CCBE1: variants seen among roughly 807,000 people sequenced by gnomAD.
CCBE1 encodes the protein collagen and calcium binding EGF domains 1.
CCBE1 carries 37 observed loss-of-function variants against 50.0 expected under a neutral mutation model. That is an observed-to-expected ratio of 0.74 (90% CI 0.57 to 0.97). The LOEUF is 0.97. Among genes scored for constraint, CCBE1 ranks in the 50% least tolerant of loss-of-function variants. CCBE1 has a pLI of 0.00. For missense variants in CCBE1, 538 were observed against 523.8 expected (o/e 1.03, Z -0.26); for synonymous variants, 234 against 203.7 (o/e 1.15, Z -1.27).
At chr18:59,536,324 G>C (rs1353272889) in intron 2 of CCBE1, among the ~76,000 whole-genome samples, 1 of 152,138 alleles carries the variant, frequency 6.6e-6, no homozygotes, top group African/African-American at 2.4e-5. Flanking sequence ...CAGGCCATCT[G>C]CATATCATTT....
At chr18:59,474,124 T>C (rs909726971) in intron 3 of CCBE1, among the ~76,000 whole-genome samples, 2 of 152,214 alleles carry the variant, frequency 1.3e-5, no homozygotes, top group Non-Finnish European at 2.9e-5. Flanking sequence ...ACATTTTCTT[T>C]ATCCAATCCA....
At position 59,532,016 on chromosome 18, in the gene CCBE1, TG is replaced by T. The variant is rs1915072307; in HGVS notation, c.213-51779del. Among the ~76,000 whole-genome samples, 4 of 152,330 alleles carry T rather than the reference TG, an allele frequency of 2.6e-5. No individual in the cohort carries two copies. In the South Asian group the frequency reaches 8.3e-4, roughly 32 times the overall value. Reference sequence around the variant, plus strand: ...ATTTCCCTATCATTTCCATGTCCACTGGACACCAAATAAACATACTCATGAC... The same window carrying T: ...ATTTCCCTATCATTTCCATGTCCACTGACACCAAATAAACATACTCATGAC... On this transcript the variant is annotated intron_variant, in intron 2 of 10. Coordinates refer to ENST00000439986, the MANE Select transcript of CCBE1 (RefSeq NM_133459.4).
intron 2 of CCBE1, among the ~76,000 whole-genome samples, chr18:59,484,395 A>G (rs750332768): frequency 1.6e-4 from 25 of 152,248 alleles, no homozygotes; most frequent in Non-Finnish European, 3.7e-4. Flanking sequence ...TGCATTTAAG[A>G]TACAACCTCT....
Position 59,661,293 on chromosome 18 carries a change from T to C in CCBE1, c.212+35336A>G, listed in dbSNP as rs567593873. ...TAACTCACTGAAGAAGCTGGGACAC[T>C]GTTCACATGCATTTGGTCTGGGGGT... On this transcript the variant is annotated intron_variant, in intron 2 of 10. Coordinates refer to ENST00000439986, the MANE Select transcript of CCBE1 (RefSeq NM_133459.4). Among the ~76,000 whole-genome samples the C allele has an allele frequency of 1.1e-4, 16 of 152,356 alleles. No individual in the cohort carries two copies. In the South Asian group the frequency reaches 3.1e-3, roughly 30 times the overall value.
intron 2 of CCBE1, among the ~76,000 whole-genome samples, chr18:59,680,268 G>GC (rs1412487454): frequency 2.6e-5 from 4 of 151,594 alleles, no homozygotes; most frequent in Admixed American, 6.6e-5. Context: ...GATCAGATAC[G>GC]CACTTATCTC....
chr18:59,594,480 T>C lies in CCBE1; in HGVS notation c.212+102149A>G, dbSNP rs1023788288. On this transcript the variant is annotated intron_variant, in intron 2 of 10. Coordinates refer to ENST00000439986, the MANE Select transcript of CCBE1 (RefSeq NM_133459.4). ...TGTACTGGAGATGGATGATGATTGA[T>C]GGTTGCACGCGTACTTAATGCCAGT... is the stretch of plus-strand genomic sequence containing the variant. Among the ~76,000 whole-genome samples the C allele has an allele frequency of 5.3e-5, 8 of 152,316 alleles. No individual in the cohort carries two copies. The South Asian group carries it at 1.7e-3, about 32-fold the overall frequency.
chr18:59,554,694 G>A (rs991331923), intron 2 of CCBE1, among the ~76,000 whole-genome samples: 2 of 152,314 alleles, frequency 1.3e-5, no homozygotes, highest in South Asian at 4.1e-4. Context: ...ATGTTCATGG[G>A]CTACTTGACT....
intron 2 of CCBE1, among the ~76,000 whole-genome samples, chr18:59,674,292 A>C (rs1233427198): frequency 2.0e-5 from 3 of 152,202 alleles, no homozygotes; most frequent in Admixed American, 2.0e-4. Flanking sequence ...AATACTGTAC[A>C]CCTATAAAAA....
At chr18:59,674,441 G>A (rs1189398486) in intron 2 of CCBE1, among the ~76,000 whole-genome samples, 1 of 152,150 alleles carries the variant, frequency 6.6e-6, no homozygotes, top group African/African-American at 2.4e-5. Flanking sequence ...GATACAGGGA[G>A]GGAAACATCA....
At chr18:59,690,276 T>G (rs1033665781) in intron 2 of CCBE1, among the ~76,000 whole-genome samples, 2 of 152,092 alleles carry the variant, frequency 1.3e-5, no homozygotes, top group Non-Finnish European at 2.9e-5. Context: ...TTAAAATGAG[T>G]CAATAGCTTC....
intron 2 of CCBE1, among the ~76,000 whole-genome samples, chr18:59,490,748 C>G (rs954818903): frequency 1.3e-5 from 2 of 152,190 alleles, no homozygotes; most frequent in African/African-American, 4.8e-5. Flanking sequence ...TAAGAAACTG[C>G]TTTAGGAAAC....
chr18:59,524,944 G>A (rs542583823), intron 2 of CCBE1, among the ~76,000 whole-genome samples: 1 of 152,258 alleles, frequency 6.6e-6, no homozygotes, highest in African/African-American at 2.4e-5. Context: ...TTTAATGGCT[G>A]TATAGTGTTT....
chr18:59,600,119 C>G (rs1275782195), intron 2 of CCBE1, among the ~76,000 whole-genome samples: 1 of 152,178 alleles, frequency 6.6e-6, no homozygotes, highest in African/African-American at 2.4e-5. Context: ...GGGTCCCCAA[C>G]CACTGGGCCA....
In CCBE1 at chr18:59,530,255, G is replaced by A. The variant is rs571110082; in HGVS notation, c.213-50017C>T. 7.2e-5 allele frequency among the ~76,000 whole-genome samples: 11 copies of A among 152,164 alleles called. 1 individual carries two copies. The highest frequency in any genetic ancestry group is 3.4e-3 in the Middle Eastern group (1 of 294). ...GAGAGGAAGTCTGGAGTCAAGGTGGGTGTTGGCAGCACTCAGAACTTTCTG... is the reference window on the plus strand; with the variant it reads ...GAGAGGAAGTCTGGAGTCAAGGTGGATGTTGGCAGCACTCAGAACTTTCTG... On this transcript the variant is annotated intron_variant, in intron 2 of 10. Coordinates refer to ENST00000439986, the MANE Select transcript of CCBE1 (RefSeq NM_133459.4).
rs537690326 is a variant in CCBE1, at chr18:59,648,753, G to A, written c.212+47876C>T. Among the ~76,000 whole-genome samples, 6 of 152,280 alleles carry A rather than the reference G, an allele frequency of 3.9e-5. 1 individual carries two copies. In the South Asian group the frequency reaches 1.2e-3, roughly 32 times the overall value. ...AGCAGCTGGAACAGGGCAACTTTTGGTGCACAGAGACCAACTCAGCTAGTG... is the reference window on the plus strand; with the variant it reads ...AGCAGCTGGAACAGGGCAACTTTTGATGCACAGAGACCAACTCAGCTAGTG... On this transcript the variant is annotated intron_variant, in intron 2 of 10. Transcript: ENST00000439986.
At chr18:59,505,850 T>G (rs1014903331) in intron 2 of CCBE1, among the ~76,000 whole-genome samples, 2 of 152,188 alleles carry the variant, frequency 1.3e-5, no homozygotes, top group Non-Finnish European at 2.9e-5. Flanking sequence ...TGTTCACCAG[T>G]CAGAATCTTA....
At chr18:59,482,720 G>A (rs1912629856) in intron 2 of CCBE1, among the ~76,000 whole-genome samples, 2 of 151,924 alleles carry the variant, frequency 1.3e-5, no homozygotes, top group Non-Finnish European at 2.9e-5. Context: ...TGGAGCTAAT[G>A]TTCCCTTTGT....
chr18:59,639,671 G>T (rs1216400205), intron 2 of CCBE1, among the ~76,000 whole-genome samples: 1 of 152,160 alleles, frequency 6.6e-6, no homozygotes, highest in Non-Finnish European at 1.5e-5. Flanking sequence ...GAAATAAAAG[G>T]TATCAAAATA....
At chr18:59,437,600 A>G (rs1910217787) in intron 10 of CCBE1, among the ~76,000 whole-genome samples, 2 of 152,194 alleles carry the variant, frequency 1.3e-5, no homozygotes, top group African/African-American at 4.8e-5. Flanking sequence ...GCTTTTGAAT[A>G]CTACTATTTC....
Sources: gnomAD v4.1 joint callset for allele counts (sites outside exome capture counted in the v4.1 genomes callset) on GRCh38, gnomAD v4.1.1 for gene constraint, MANE v1.5 for transcripts, NCBI Gene and HGNC (gene_info 2026-07-23, HGNC 2026-07-21) for gene names.